The following TJP2 variants were observed in gnomAD, a reference collection of about 807,000 sequenced individuals.
The protein encoded by TJP2 is Friedreich ataxia region gene X104 (tight junction protein ZO-2).
Under a neutral mutation model 133.1 loss-of-function variants are expected in TJP2, and 91 were observed. That is an observed-to-expected ratio of 0.68 (90% CI 0.58 to 0.81). The LOEUF (loss-of-function observed/expected upper bound fraction) is 0.81, where lower values mean the gene tolerates loss of function less well. Ranked by LOEUF, TJP2 falls within the 40% of genes least tolerant of loss-of-function variation. The pLI is 0.00. For synonymous variants in TJP2, 592 were observed against 583.4 expected (o/e 1.01, Z -0.21); for missense variants, 1,541 against 1,565.6 (o/e 0.98, Z 0.26).
chr9:69,182,229 C>T (rs1825564758), intron 1 of TJP2, among the ~76,000 whole-genome samples: 1 of 152,188 alleles, frequency 6.6e-6, no homozygotes, highest in African/African-American at 2.4e-5. Context: ...GAGCACTTTG[C>T]CTTCCTTGGG....
intron 1 of TJP2, among the ~76,000 whole-genome samples, chr9:69,131,882 A>G (rs112679571): frequency 2.5e-3 from 378 of 152,276 alleles, no homozygotes; most frequent in African/African-American, 8.7e-3. Flanking sequence ...GACCACCCCC[A>G]GTTTCAATGA....
intron 1 of TJP2, among the ~76,000 whole-genome samples, chr9:69,136,973 G>A (rs1822759481): frequency 6.6e-6 from 1 of 152,200 alleles, no homozygotes; most frequent in Admixed American, 6.5e-5. Flanking sequence ...CTTTGTGTGT[G>A]TCATCAGATG....
chr9:69,163,059 T>C, intron 2 of TJP2, among the ~76,000 whole-genome samples: 1 of 103,628 alleles, frequency 9.6e-6, no homozygotes, highest in African/African-American at 3.7e-5. Context: ...GGAGTCTCGC[T>C]CTGTCGCCCA....
chr9:69,174,717 C>T (rs12378413), intron 1 of TJP2, among the ~76,000 whole-genome samples: 1 of 152,148 alleles, frequency 6.6e-6, no homozygotes, highest in Non-Finnish European at 1.5e-5. Flanking sequence ...TCCTGGATTT[C>T]TGCTGGCTTG....
chr9:69,136,091 T>C (rs10781435), intron 1 of TJP2, among the ~76,000 whole-genome samples: 134,856 of 152,034 alleles, frequency 0.89, 59,919 homozygotes, highest in East Asian at 1. Flanking sequence ...TATTTCTTGA[T>C]GTCAATTCAA....
intron 1 of TJP2, among the ~76,000 whole-genome samples, chr9:69,132,333 C>T (rs952235387): frequency 7.9e-5 from 12 of 152,196 alleles, no homozygotes; most frequent in Non-Finnish European, 1.3e-4. Flanking sequence ...TGAGAGCCAC[C>T]TTGTAAGTGG....
chr9:69,154,424 G>C (rs1347353569), intron 2 of TJP2, among the ~76,000 whole-genome samples: 1 of 152,174 alleles, frequency 6.6e-6, no homozygotes, highest in East Asian at 1.9e-4. Context: ...TGCCATTCTG[G>C]AGTCTCTCCT....
chr9:69,168,541 T>G (rs1824484090), intron 2 of TJP2, among the ~76,000 whole-genome samples: 1 of 152,120 alleles, frequency 6.6e-6, no homozygotes, highest in Admixed American at 6.5e-5. Flanking sequence ...ATGCCTGTAA[T>G]CCCAGCGCTT....
intron 2 of TJP2, among the ~76,000 whole-genome samples, chr9:69,155,697 G>C (rs1823720588): frequency 6.6e-6 from 1 of 152,234 alleles, no homozygotes; most frequent in Admixed American, 6.5e-5. Flanking sequence ...GCACTGTGCT[G>C]CTGAGGGAAA....
At chr9:69,161,012 AC>A (rs1824039070) in intron 2 of TJP2, among the ~76,000 whole-genome samples, 1 of 149,656 alleles carries the variant, frequency 6.7e-6, no homozygotes, top group African/African-American at 2.5e-5. Flanking sequence ...AGGTGAGGAT[AC>A]AAATGGGGTG....
At chr9:69,198,495 AG>A (rs1463878003) in intron 1 of TJP2, among the ~76,000 whole-genome samples, 6 of 152,204 alleles carry the variant, frequency 3.9e-5, no homozygotes, top group Non-Finnish European at 8.8e-5. Context: ...AATTTACCTT[AG>A]GTAAATAAAG....
At chr9:69,152,000 G>A (rs1233339557) in intron 2 of TJP2, among the ~76,000 whole-genome samples, 3 of 152,192 alleles carry the variant, frequency 2.0e-5, no homozygotes, top group Non-Finnish European at 4.4e-5. Flanking sequence ...GCCATGGTTG[G>A]TGAATGCTTA....
At chr9:69,225,906 C>A in intron 6 of TJP2, 116 bp from the exon 7 acceptor site, 1 of 1,119,160 alleles carries the variant, frequency 8.9e-7, no homozygotes, top group Non-Finnish European at 1.3e-6. Flanking sequence ...CATCCTAAAG[C>A]CAATATCTGT....
At chr9:69,238,847 C>T in intron 16 of TJP2, 58 bp downstream of exon 16, 1 of 1,397,894 alleles carries the variant, frequency 7.2e-7, no homozygotes, top group Non-Finnish European at 1.0e-6. Context: ...TGGTTTGCTG[C>T]AGTCACTTTT....
In TJP2 at chr9:69,224,353, G is replaced by T. The variant is rs577050870; in HGVS notation, c.953-951G>T. Among the ~76,000 whole-genome samples, 575 of 151,204 alleles carry T rather than the reference G, an allele frequency of 3.8e-3. 5 individuals are homozygous for T. The highest frequency in any genetic ancestry group is 0.012 in the African/African-American group (508 of 41,232). Reference sequence around the variant, plus strand: ...CATGCCTATTAAGGTGTGCTGAATTGTTTTTTTTTCTCCCCAACATTTTAT... The same window carrying T: ...CATGCCTATTAAGGTGTGCTGAATTTTTTTTTTTTCTCCCCAACATTTTAT... On this transcript the variant is annotated intron_variant, in intron 5 of 22. Coordinates refer to ENST00000377245, the MANE Select transcript of TJP2 (RefSeq NM_004817.4).
At chr9:69,226,915 A>G (rs562317626) in intron 7 of TJP2, among the ~76,000 whole-genome samples, 1 of 152,370 alleles carries the variant, frequency 6.6e-6, no homozygotes, top group African/African-American at 2.4e-5. Context: ...TGTGGCATTC[A>G]TTAATTAGCA....
chr9:69,164,278 A>G (rs1312998981), intron 2 of TJP2, among the ~76,000 whole-genome samples: 1 of 128,414 alleles, frequency 7.8e-6, no homozygotes. Flanking sequence ...TTGATCGAGG[A>G]TCCTGAATTC....
intron 2 of TJP2, among the ~76,000 whole-genome samples, chr9:69,161,583 A>G (rs537957811): frequency 6.6e-6 from 1 of 152,238 alleles, no homozygotes; most frequent in African/African-American, 2.4e-5. Context: ...AGAACTGAAC[A>G]TGATGGATGT....
chr9:69,150,557 C>T (rs1564382441), intron 1 of TJP2, among the ~76,000 whole-genome samples: 1 of 151,998 alleles, frequency 6.6e-6, no homozygotes, highest in Non-Finnish European at 1.5e-5. Context: ...CTCAGCCTTC[C>T]AAAGTGCTGG....
Sources: gnomAD v4.1 joint callset for allele counts (sites outside exome capture counted in the v4.1 genomes callset) on GRCh38, gnomAD v4.1.1 for gene constraint, MANE v1.5 for transcripts, NCBI Gene and HGNC (gene_info 2026-07-23, HGNC 2026-07-21) for gene names.